MSI2: variants seen among roughly 807,000 people sequenced by gnomAD.
MSI2 encodes RNA-binding protein Musashi homolog 2.
Under a neutral mutation model 45.6 loss-of-function variants are expected in MSI2, and 17 were observed. That is an observed-to-expected ratio of 0.37 (90% CI 0.26 to 0.56). The LOEUF is 0.56. Among genes scored for constraint, MSI2 ranks in the 20% least tolerant of loss-of-function variants. The probability of loss-of-function intolerance (pLI) is 0.77; values close to 1 mark genes in which losing one functional copy is unlikely to be tolerated. For synonymous variants in MSI2, 156 were observed against 158.2 expected (o/e 0.99, Z 0.11); for missense variants, 293 against 444.2 (o/e 0.66, Z 3.06).
intron 7 of MSI2, among the ~76,000 whole-genome samples, chr17:57,542,514 T>C (rs2087072409): frequency 6.6e-6 from 1 of 152,250 alleles, no homozygotes; most frequent in African/African-American, 2.4e-5. Flanking sequence ...GTTTCCAACC[T>C]GGTTGTACAC....
chr17:57,451,787 C>G (rs1000240820), intron 6 of MSI2, among the ~76,000 whole-genome samples: 1 of 152,212 alleles, frequency 6.6e-6, no homozygotes, highest in African/African-American at 2.4e-5. Flanking sequence ...CAGCCTTCCT[C>G]CTCACATCCT....
chr17:57,418,664 T>C (rs1313789980), intron 6 of MSI2, among the ~76,000 whole-genome samples: 2 of 152,228 alleles, frequency 1.3e-5, no homozygotes, highest in African/African-American at 4.8e-5. Context: ...TTGCTCGTCA[T>C]GCAACACTTA....
intron 6 of MSI2, among the ~76,000 whole-genome samples, chr17:57,471,373 C>A (rs920653640): frequency 1.4e-5 from 2 of 148,038 alleles, no homozygotes; most frequent in African/African-American, 5.0e-5. Flanking sequence ...TCACTGCAAC[C>A]TCCGCCTCCT....
intron 7 of MSI2, among the ~76,000 whole-genome samples, chr17:57,538,127 G>A (rs1056947964): frequency 1.3e-5 from 2 of 152,094 alleles, no homozygotes; most frequent in Admixed American, 6.5e-5. Context: ...TTAAGATCTC[G>A]GTGAGGGCAG....
chr17:57,297,505 A>G (rs1911082034), intron 5 of MSI2, among the ~76,000 whole-genome samples: 1 of 152,190 alleles, frequency 6.6e-6, no homozygotes, highest in Non-Finnish European at 1.5e-5. Context: ...TTGCTGGTGG[A>G]GGGTCTTGCC....
rs537532411 is a variant in MSI2, at chr17:57,473,227, C to T, written c.406-56449C>T. Among the ~76,000 whole-genome samples, 11 of 152,328 alleles carry T rather than the reference C, an allele frequency of 7.2e-5. No individual in the cohort carries two copies. In the South Asian group the frequency reaches 1.2e-3, roughly 17 times the overall value. ...TTAAATGTCCTTTGAAGCTAACAGG[C>T]GGATCACCTTCCCTCCCAGAAGCTC... is the stretch of plus-strand genomic sequence containing the variant. On this transcript the variant is annotated intron_variant, in intron 6 of 13. Transcript: ENST00000284073.
chr17:57,517,977 G>A (rs553616043), intron 6 of MSI2, among the ~76,000 whole-genome samples: 7 of 152,276 alleles, frequency 4.6e-5, no homozygotes, highest in Admixed American at 6.5e-5. Context: ...CCAACTCTGC[G>A]TGTTTGTCAG....
chr17:57,319,472 T>C (rs1567754793), intron 5 of MSI2, among the ~76,000 whole-genome samples: 2 of 152,244 alleles, frequency 1.3e-5, no homozygotes, highest in Non-Finnish European at 2.9e-5. Context: ...GATGGCATCA[T>C]GTCAGAATGA....
At chr17:57,632,307 C>CACAGAGA (rs1909457892) in intron 10 of MSI2, 2 of 1,070,942 alleles carry the variant, frequency 1.9e-6, no homozygotes, top group African/African-American at 3.3e-5. Flanking sequence ...AAGGTGAACA[C>CACAGAGA]ACAGAGACAG....
chr17:57,446,222 C>G (rs557425891), intron 6 of MSI2, among the ~76,000 whole-genome samples: 1 of 152,102 alleles, frequency 6.6e-6, no homozygotes, highest in African/African-American at 2.4e-5. Flanking sequence ...AGTGATCATC[C>G]AAGGACAGGG....
At position 57,280,789 on chromosome 17, in the gene MSI2, A is replaced by G. The variant is rs1194253125; in HGVS notation, c.312+18597A>G. 2.9e-5 allele frequency among the ~76,000 whole-genome samples: 4 copies of G among 139,764 alleles called. No homozygotes were observed. The highest frequency in any genetic ancestry group is 6.3e-5 in the Non-Finnish European group (4 of 63,112). 91.7% of individuals were successfully genotyped at this position (139,764 alleles called of 152,430 possible). A position where few individuals can be genotyped will look rare whatever the true frequency, so the allele number is the denominator to read the frequency against. ...AAAATAGCATGCTCCTAATAAGGCA[A>G]ATCATTAAAAATAAAATAGGATGAG... On this transcript the variant is annotated intron_variant, in intron 5 of 13. Coordinates refer to ENST00000284073, the MANE Select transcript of MSI2 (RefSeq NM_138962.4). The surrounding 1 kb of genome is among the most constrained non-coding windows in gnomAD (Gnocchi z 4.2).
At chr17:57,551,698 G>A (rs1162841790) in intron 7 of MSI2, among the ~76,000 whole-genome samples, 1 of 152,148 alleles carries the variant, frequency 6.6e-6, no homozygotes, top group Non-Finnish European at 1.5e-5. Flanking sequence ...AGGTGTTGAG[G>A]TTAATAACAA....
chr17:57,292,373 G>C (rs1268579668), intron 5 of MSI2, among the ~76,000 whole-genome samples: 1 of 152,216 alleles, frequency 6.6e-6, no homozygotes, highest in African/African-American at 2.4e-5. Context: ...AGACCAGGGA[G>C]CTAAGAGAAC....
intron 5 of MSI2, among the ~76,000 whole-genome samples, chr17:57,305,784 C>T (rs1445324521): frequency 1.3e-5 from 2 of 152,190 alleles, no homozygotes; most frequent in East Asian, 3.9e-4. Context: ...ATTGAGTTGG[C>T]TTTCCCTTTA....
intron 6 of MSI2, among the ~76,000 whole-genome samples, chr17:57,433,535 C>T (rs76912960): frequency 2.6e-5 from 4 of 152,256 alleles, no homozygotes; most frequent in Non-Finnish European, 4.4e-5. Context: ...TCTAGAACTG[C>T]GAGACGTAAA....
intron 7 of MSI2, among the ~76,000 whole-genome samples, chr17:57,541,856 G>A (rs1240571764): frequency 6.6e-6 from 1 of 152,144 alleles, no homozygotes; most frequent in Non-Finnish European, 1.5e-5. Context: ...CACCCATCTT[G>A]GTATCAGGAA....
At chr17:57,504,269 G>A (rs190198289) in intron 6 of MSI2, among the ~76,000 whole-genome samples, 51 of 152,168 alleles carry the variant, frequency 3.4e-4, no homozygotes, top group African/African-American at 9.9e-4. Flanking sequence ...GTGCCCTCCC[G>A]TTATGACCTC....
intron 6 of MSI2, among the ~76,000 whole-genome samples, chr17:57,411,623 A>G (rs1025154967): frequency 1.3e-5 from 2 of 152,172 alleles, no homozygotes; most frequent in African/African-American, 4.8e-5. Flanking sequence ...TTCCTGGGTG[A>G]GGACTCTGGG....
intron 7 of MSI2, among the ~76,000 whole-genome samples, chr17:57,554,406 C>T (rs1409866248): frequency 6.6e-6 from 1 of 152,188 alleles, no homozygotes; most frequent in Non-Finnish European, 1.5e-5. Flanking sequence ...GCATCTGCCG[C>T]CAGTTGCTCC....
Sources: gnomAD v4.1 joint callset for allele counts (sites outside exome capture counted in the v4.1 genomes callset) on GRCh38, gnomAD v4.1.1 for gene constraint, Gnocchi (gnomAD v3.1) non-coding constraint, MANE v1.5 for transcripts, NCBI Gene and HGNC (gene_info 2026-07-23, HGNC 2026-07-21) for gene names.